PCDHA5: variants seen among roughly 807,000 people sequenced by gnomAD.
PCDHA5 encodes protocadherin alpha 5, also known as protocadherin alpha-5.
In PCDHA5, 43 loss-of-function variants were observed where a neutral mutation model predicts 61.6. The ratio of observed to expected loss-of-function variants is 0.70; its 90% CI spans 0.55 to 0.90. The LOEUF is 0.90. Ranked by LOEUF, PCDHA5 falls within the 40% of genes least tolerant of loss-of-function variation. The pLI, the probability that PCDHA5 is intolerant of heterozygous loss-of-function variation, is 0.00. For synonymous variants in PCDHA5, 627 were observed against 543.9 expected, an observed-to-expected ratio of 1.15 and a Z score of -2.13; for missense variants, 1,298 against 1,222.7, an observed-to-expected ratio of 1.06 and a Z score of -0.92.
At chr5:140,934,258 A>G (rs2089731137) in intron 1 of PCDHA5, among the ~76,000 whole-genome samples, 1 of 152,140 alleles carries the variant, frequency 6.6e-6, no homozygotes, top group Non-Finnish European at 1.5e-5. Flanking sequence ...ATCAAAATTA[A>G]TAATAATCAG....
At chr5:140,883,329 C>T (rs1554177701) in intron 1 of PCDHA5, 1 of 1,614,166 alleles carries the variant, frequency 6.2e-7, no homozygotes. Context: ...ACCATCACTT[C>T]TTTGTCACTC....
rs1307934746 is a variant in PCDHA5, at chr5:140,846,014, A to C, written c.2352+21887A>C. 1.3e-5 allele frequency among the ~76,000 whole-genome samples: 2 copies of C among 149,776 alleles called. 1 individual carries two copies. Among genetic ancestry groups the C allele is most frequent in the Non-Finnish European group, 3.0e-5 (2 of 66,864 alleles). On this transcript the variant is annotated intron_variant, in intron 1 of 3. Transcript: ENST00000529859. ...TGTGGTGGAATGAAAAAAATCTAAA[A>C]GTTATTACGAGTTTAGGAAAGTCAA...
chr5:141,010,291 G>A lies in PCDHA5; in HGVS notation c.*354G>A. ...GGATCCTGTCTTGATGACACTTGCA[G>A]GGCAGGCTGAAAAGTTTTGAGATTG... On this transcript the variant is annotated 3_prime_UTR_variant, in exon 4 of 4. Coordinates refer to ENST00000529859, the MANE Select transcript of PCDHA5 (RefSeq NM_018908.3). 1.3e-6 allele frequency: 2 copies of A among 1,549,990 alleles called. No individual in the cohort carries two copies. The highest frequency in any genetic ancestry group is 1.2e-5 in the South Asian group (1 of 83,762).
chr5:140,848,506 C>A (rs1229499943), intron 1 of PCDHA5: 1 of 1,588,430 alleles, frequency 6.3e-7, no homozygotes. Context: ...ATGTTATACT[C>A]AAGTCGAGGA....
At chr5:140,904,475 T>C (rs1034610314) in intron 1 of PCDHA5, among the ~76,000 whole-genome samples, 1 of 151,866 alleles carries the variant, frequency 6.6e-6, no homozygotes, top group Non-Finnish European at 1.5e-5. Context: ...TGGTGGCTAT[T>C]TGGTCTGATT....
intron 1 of PCDHA5, among the ~76,000 whole-genome samples, chr5:140,922,192 T>A (rs1279791359): frequency 6.6e-6 from 1 of 152,158 alleles, no homozygotes; most frequent in East Asian, 1.9e-4. Context: ...AAAAGTCTTA[T>A]CTTTAATGAA....
chr5:140,971,843 G>T (rs1250084892), intron 1 of PCDHA5, among the ~76,000 whole-genome samples: 2 of 151,906 alleles, frequency 1.3e-5, no homozygotes, highest in Non-Finnish European at 2.9e-5. Flanking sequence ...TGCAAGTCAT[G>T]CGTTAAATAT....
intron 1 of PCDHA5, chr5:140,858,002 G>C (rs782820218): frequency 6.3e-7 from 1 of 1,596,914 alleles, no homozygotes; most frequent in Admixed American, 1.7e-5. Flanking sequence ...GCTGGTGAAG[G>C]ACCATGGCGA....
chr5:140,851,092 A>G (rs371116217), intron 1 of PCDHA5: 2 of 1,292,902 alleles, frequency 1.5e-6, no homozygotes, highest in East Asian at 5.4e-5. Context: ...TATTAAATAG[A>G]TATTTTTTGG....
At chr5:140,996,431 T>C (rs1294673547) in intron 3 of PCDHA5, among the ~76,000 whole-genome samples, 1 of 152,182 alleles carries the variant, frequency 6.6e-6, no homozygotes, top group African/African-American at 2.4e-5. Flanking sequence ...ACTTTGGGAA[T>C]AGTCAGTGTC....
Position 140,822,534 on chromosome 5 carries a change from T to C in PCDHA5, c.759T>C (p.Asn253=), listed in dbSNP as rs2150117075. 3 of 1,613,922 alleles carry C rather than the reference T, an allele frequency of 1.9e-6. No homozygotes were observed. The highest frequency in any genetic ancestry group is 2.2e-5 in the East Asian group (1 of 44,876). ...TTTATAATGTCAGATTGTTGGAAAA[T>C]GCACCAAGTGGGACATTAGTTATTA... ...KSIYNVRLLE[N]APSGTLVIKL... Residue 253 remains asparagine (N), a synonymous_variant, in exon 1 of 4, where the codon AAT becomes AAC. Coordinates refer to ENST00000529859, the MANE Select transcript of PCDHA5 (RefSeq NM_018908.3).
rs2150134243 is a variant in PCDHA5, at chr5:140,824,366, T to G, written c.2352+239T>G. On this transcript the variant is annotated intron_variant, in intron 1 of 3. Transcript: ENST00000529859. ...TAAAATAATATTTTATATTAGCATT[T>G]GAATTTTGCATCTCTAAAAATGTAG... 3.7e-5 allele frequency: 21 copies of G among 572,978 alleles called. 1 individual carries two copies. The highest frequency in any genetic ancestry group is 2.8e-4 in the Admixed American group (8 of 28,562). 35.5% of individuals were successfully genotyped at this position (572,978 alleles called of 1,614,324 possible).
intron 1 of PCDHA5, among the ~76,000 whole-genome samples, chr5:140,838,563 G>C (rs1007641143): frequency 1.3e-5 from 2 of 151,752 alleles, no homozygotes; most frequent in African/African-American, 4.9e-5. Flanking sequence ...ATCCAGTACT[G>C]TATTAGGGAC....
At position 140,928,212 on chromosome 5, in the gene PCDHA5, C is replaced by G. The variant is rs1388758279; in HGVS notation, c.2353-50737C>G. The G allele has an allele frequency of 2.5e-6, 4 of 1,614,106 alleles. No individual in the cohort carries two copies. The African/African-American group carries it at 5.3e-5, about 22-fold the overall frequency. On this transcript the variant is annotated intron_variant, in intron 1 of 3. Coordinates refer to ENST00000529859, the MANE Select transcript of PCDHA5 (RefSeq NM_018908.3). Reference sequence around the variant, plus strand: ...CTGTGTCAGTTGCTGATGTGAATGACAATACACCAAACTTTCCTCAACCCC... The same window carrying G: ...CTGTGTCAGTTGCTGATGTGAATGAGAATACACCAAACTTTCCTCAACCCC...
At chr5:140,835,547 C>G (rs2150237870) in intron 1 of PCDHA5, 13 of 1,613,960 alleles carry the variant, frequency 8.1e-6, no homozygotes, top group South Asian at 2.2e-5. Context: ...TTACCTGCTC[C>G]CTGACGCCCC....
At chr5:140,876,883 G>A in intron 1 of PCDHA5, 2 of 1,614,132 alleles carry the variant, frequency 1.2e-6, no homozygotes, top group Non-Finnish European at 1.7e-6. Context: ...CAACCCGCCG[G>A]GCTGCCACAT....
chr5:140,876,476 T>G, intron 1 of PCDHA5: 1 of 1,614,036 alleles, frequency 6.2e-7, no homozygotes, highest in Non-Finnish European at 8.5e-7. Context: ...GGTCACAGCA[T>G]GGTCCTGGTG....
At chr5:140,896,148 G>A (rs1185038418) in intron 1 of PCDHA5, among the ~76,000 whole-genome samples, 1 of 152,162 alleles carries the variant, frequency 6.6e-6, no homozygotes, top group Non-Finnish European at 1.5e-5. Flanking sequence ...CACCATTGAT[G>A]GGCATTTAGG....
chr5:140,882,374 C>G, intron 1 of PCDHA5: 1 of 1,614,186 alleles, frequency 6.2e-7, no homozygotes, highest in Non-Finnish European at 8.5e-7. Context: ...CTACTCCGTC[C>G]CCGAGGAAGC....
Sources: gnomAD v4.1 joint callset for allele counts (sites outside exome capture counted in the v4.1 genomes callset) on GRCh38, gnomAD v4.1.1 for gene constraint, MANE v1.5 for transcripts, NCBI Gene and HGNC (gene_info 2026-07-23, HGNC 2026-07-21) for gene names.